Variants in SRP72 observed in about 807,000 individuals in gnomAD.
The protein encoded by SRP72 is signal recognition particle 72.
A neutral mutation model predicts 96.3 loss-of-function variants in SRP72; 49 were observed. The observed-to-expected ratio is 0.51, with a 90% CI of 0.40 to 0.65. The LOEUF (loss-of-function observed/expected upper bound fraction) is 0.65. SRP72 is among the 30% of genes least tolerant of loss of function. The probability of loss-of-function intolerance (pLI) is 0.00; values close to 1 mark genes in which losing one functional copy is unlikely to be tolerated. For missense variants in SRP72, 736 were observed against 793.3 expected, an observed-to-expected ratio of 0.93 and a Z score of 0.87; for synonymous variants, 267 against 275.2, an observed-to-expected ratio of 0.97 and a Z score of 0.30.
chr4:56,491,126 A>G (rs1053553929), intron 15 of SRP72, among the ~76,000 whole-genome samples: 4 of 152,224 alleles, frequency 2.6e-5, no homozygotes, highest in African/African-American at 7.2e-5. Flanking sequence ...GTCACAAGTC[A>G]TAAACTTGAT....
At chr4:56,488,572 A>G (rs1159404723) in intron 12 of SRP72, among the ~76,000 whole-genome samples, 2 of 152,202 alleles carry the variant, frequency 1.3e-5, no homozygotes, top group Admixed American at 1.3e-4. Context: ...TCATATTTTA[A>G]GGATCGTGCT....
intron 17 of SRP72, 155 bp from the exon 18 acceptor site, chr4:56,500,381 A>T (rs1169671662): frequency 1.3e-6 from 1 of 769,434 alleles, no homozygotes; most frequent in Admixed American, 3.0e-5. Context: ...AAAAAAAAAG[A>T]CCATTTCGCC....
intron 15 of SRP72, among the ~76,000 whole-genome samples, chr4:56,491,149 A>G (rs535492546): frequency 2.0e-5 from 3 of 152,160 alleles, no homozygotes; most frequent in Non-Finnish European, 4.4e-5. Flanking sequence ...TTGTTTTGGA[A>G]TAGAGTTTGT....
Position 56,484,819 on chromosome 4 carries a change from G to C in SRP72, c.1041G>C (p.Gln347His). The C allele has an allele frequency of 6.2e-7, 1 of 1,613,992 alleles. No homozygotes were observed. The highest frequency in any genetic ancestry group is 1.3e-5 in the African/African-American group (1 of 75,018). ...HLLPVLIQAA[Q>H]LCREKQHTKA... ...TACCTGTGTTAATCCAAGCTGCCCA[G>C]CTCTGCCGTGAAAAGCAGCACACAA... The change falls in exon 10 of 19, where the codon CAG becomes CAC. Residue 347 changes from glutamine (Q) to histidine (H), a missense_variant. Gln to His is a conservative substitution (Grantham distance 24). Around this residue, in one of 3 missense-constraint regions of SRP72, gnomAD observed 388 missense variants for 431.8 expected, o/e 0.90. Transcript: ENST00000642900.
intron 5 of SRP72, chr4:56,475,828 G>A (rs1442957054): frequency 6.6e-6 from 1 of 152,020 alleles, no homozygotes; most frequent in Non-Finnish European, 1.5e-5. Flanking sequence ...AGAAACTTGA[G>A]GAAATGATTA....
At chr4:56,492,624 C>G (rs1185122950) in intron 16 of SRP72, among the ~76,000 whole-genome samples, 2 of 152,124 alleles carry the variant, frequency 1.3e-5, no homozygotes, top group Non-Finnish European at 2.9e-5. Context: ...CTAACAAACT[C>G]TGCATTTCAT....
intron 2 of SRP72, 66 bp from the exon 3 acceptor site, chr4:56,471,654 T>C (rs1560674230): frequency 1.3e-6 from 2 of 1,568,016 alleles, no homozygotes; most frequent in East Asian, 4.5e-5. Context: ...TAGAGTGGTG[T>C]TGTATATAAT....
Position 56,496,862 on chromosome 4 carries a change from G to C in SRP72, c.1678+1468G>C, listed in dbSNP as rs10015839. On this transcript the variant is annotated intron_variant, in intron 17 of 18. Transcript: ENST00000642900. ...AATTAGCCGAGCAGTACTCATGCGT[G>C]CCTGTAATCCCAGCTACTTGGGAGG... 6.5e-3 allele frequency among the ~76,000 whole-genome samples: 988 copies of C among 152,190 alleles called. 13 individuals are homozygous for C. Among genetic ancestry groups the C allele is most frequent in the African/African-American group, 0.022 (934 of 41,532 alleles).
At chr4:56,490,758 C>G in intron 15 of SRP72, 113 bp downstream of exon 15, 1 of 883,566 alleles carries the variant, frequency 1.1e-6, no homozygotes, top group Non-Finnish European at 1.7e-6. Flanking sequence ...AACAAATCCT[C>G]CTTTTAACTA....
chr4:56,495,611 G>C (rs1721049624), intron 17 of SRP72, among the ~76,000 whole-genome samples: 1 of 152,128 alleles, frequency 6.6e-6, no homozygotes, highest in Admixed American at 6.5e-5. Context: ...CTTTTACTCT[G>C]TGACTGTGGA....
At chr4:56,500,416 T>G (rs1250826545) in intron 17 of SRP72, 120 bp from the exon 18 acceptor site, 3 of 1,122,328 alleles carry the variant, frequency 2.7e-6, no homozygotes, top group Admixed American at 5.0e-5. Context: ...AACTAAACTT[T>G]CTCAAATAAA....
chr4:56,486,439 C>G, intron 11 of SRP72, 42 bp downstream of exon 11: 1 of 1,494,778 alleles, frequency 6.7e-7, no homozygotes. Flanking sequence ...TTAATGAAAA[C>G]ATGTTTGGAA....
intron 3 of SRP72, among the ~76,000 whole-genome samples, chr4:56,472,951 T>G (rs1200205662): frequency 6.6e-6 from 1 of 152,120 alleles, no homozygotes; most frequent in Non-Finnish European, 1.5e-5. Flanking sequence ...TGTGTCTGCT[T>G]GAGACTCACC....
rs1393617080 is a variant in SRP72 at position 56,478,599 on chromosome 4, G to T, written c.775G>T (p.Asp259Tyr). The T allele has an allele frequency of 6.2e-7, 1 of 1,614,070 alleles. No individual in the cohort carries two copies. Among genetic ancestry groups the T allele is most frequent in the Non-Finnish European group, 8.5e-7 (1 of 1,179,974 alleles). ...GTTGCTTGTTGTTCACAGACCAACA[G>T]ATGTGGGATTACTAGCTGTAATTGC... ...YNQIIKLKPT[D>Y]VGLLAVIANN... The change falls in exon 8 of 19, where the codon GAT becomes TAT. Residue 259 changes from aspartate (D) to tyrosine (Y), a missense_variant. This residue lies in a region of SRP72 where 329 missense variants were observed against 319.0 expected (regional missense o/e 1.03). Transcript: ENST00000642900.
At chr4:56,469,592 T>G (rs1029538114) in intron 1 of SRP72, 61 bp from the exon 2 acceptor site, 3 of 1,460,244 alleles carry the variant, frequency 2.1e-6, no homozygotes, top group Non-Finnish European at 2.8e-6. Flanking sequence ...GTGGGAAAAT[T>G]TAGTAAAAAT....
chr4:56,478,675 G>A, intron 8 of SRP72, 26 bp downstream of exon 8: 1 of 1,601,694 alleles, frequency 6.2e-7, no homozygotes, highest in Non-Finnish European at 8.5e-7. Context: ...GCTTTCCATA[G>A]ATATATTTTA....
rs780480878 is a variant in SRP72 at position 56,471,732 on chromosome 4, C to A, written c.243C>A (p.Ser81=). 6.2e-7 allele frequency: 1 copy of A among 1,612,512 alleles called. No individual in the cohort carries two copies. Among genetic ancestry groups the A allele is most frequent in the East Asian group, 2.2e-5 (1 of 44,818 alleles). ...HTKVLANNSL[S]FEKAYCEYRL... is the part of the protein sequence containing the mutation. ...TTTCCTTCTTCAGTAACTCTCTCTC[C>A]TTTGAAAAGGCATATTGCGAGTACA... Residue 81 remains serine, a synonymous_variant, in exon 3 of 19, where the codon TCC becomes TCA. Transcript: ENST00000642900.
chr4:56,468,840 CAAAG>C (rs1719854991), intron 1 of SRP72, among the ~76,000 whole-genome samples: 1 of 152,142 alleles, frequency 6.6e-6, no homozygotes, highest in African/African-American at 2.4e-5. Flanking sequence ...CTTTAATCAG[CAAAG>C]ATTGTCAACT....
intron 8 of SRP72, among the ~76,000 whole-genome samples, chr4:56,479,501 C>CTTTATT (rs1720393104): frequency 6.6e-6 from 1 of 150,838 alleles, no homozygotes; most frequent in Admixed American, 6.6e-5. Flanking sequence ...ATGGAAAAAG[C>CTTTATT]TTTATTTTTC....
Sources: allele counts gnomAD v4.1 joint callset (sites outside exome capture counted in the v4.1 genomes callset), GRCh38; gene constraint gnomAD v4.1.1; regional missense constraint gnomAD v4.1.1; transcripts MANE v1.5; gene names NCBI Gene and HGNC (gene_info 2026-07-23, HGNC 2026-07-21).